Variants in BACH2 observed in about 807,000 individuals in gnomAD.
BACH2 encodes the protein transcription regulator protein BACH2.
Under a neutral mutation model 61.8 loss-of-function variants are expected in BACH2, and 5 were observed. The observed-to-expected ratio is 0.08, with a 90% confidence interval of 0.04 to 0.17. The LOEUF (loss-of-function observed/expected upper bound fraction) is 0.17, where lower values mean the gene tolerates loss of function less well. Ranked by LOEUF, BACH2 falls within the 10% of genes least tolerant of loss-of-function variation. The probability of loss-of-function intolerance (pLI) is 1.00; values close to 1 mark genes in which losing one functional copy is unlikely to be tolerated. For missense variants in BACH2, 824 were observed against 1,091.1 expected, an observed-to-expected ratio of 0.76 and a Z score of 3.45; for synonymous variants, 446 against 440.1, an observed-to-expected ratio of 1.01 and a Z score of -0.17.
chr6:90,164,997 C>T (rs1235567183), intron 4 of BACH2, among the ~76,000 whole-genome samples: 4 of 152,208 alleles, frequency 2.6e-5, no homozygotes, highest in Admixed American at 2.0e-4. Flanking sequence ...CCTTTGAGAA[C>T]AGTCACAAGA....
intron 4 of BACH2, among the ~76,000 whole-genome samples, chr6:90,095,317 G>A (rs1450115751): frequency 2.6e-5 from 4 of 151,996 alleles, no homozygotes; most frequent in Non-Finnish European, 4.4e-5. Context: ...CAGATCTTGT[G>A]GCTTTTGTGT....
rs201869328 is a variant in BACH2 at position 89,935,392 on chromosome 6, C to T, written c.2044-2502G>A. ...GGAGAGGAACCCCAGGATCATTCTG[C>T]CACATTACCCCGGCCAAAGCACGGA... On this transcript the variant is annotated intron_variant, in intron 8 of 8. Coordinates refer to ENST00000257749, the MANE Select transcript of BACH2 (RefSeq NM_021813.4). Among the ~76,000 whole-genome samples, 55 of 152,292 alleles carry T rather than the reference C, an allele frequency of 3.6e-4. 1 individual carries two copies. The East Asian group carries it at 9.4e-3, about 26-fold the overall frequency.
chr6:89,954,907 G>A (rs1562323173), intron 6 of BACH2, among the ~76,000 whole-genome samples: 1 of 152,196 alleles, frequency 6.6e-6, no homozygotes. Context: ...AGAGGAAATG[G>A]TGTCCTCACC....
intron 6 of BACH2, among the ~76,000 whole-genome samples, chr6:90,006,009 C>T (rs1176023604): frequency 5.9e-5 from 9 of 152,124 alleles, no homozygotes; most frequent in Non-Finnish European, 8.8e-5. Flanking sequence ...ATACAGTGTG[C>T]CTCTTATTTA....
intron 5 of BACH2, among the ~76,000 whole-genome samples, chr6:90,054,397 A>G (rs1780213375): frequency 6.6e-6 from 1 of 152,202 alleles, no homozygotes; most frequent in African/African-American, 2.4e-5. Flanking sequence ...ATCAAACTGC[A>G]AGGCGGCAGC....
chr6:90,180,972 A>C (rs1768142033), intron 4 of BACH2, among the ~76,000 whole-genome samples: 1 of 152,146 alleles, frequency 6.6e-6, no homozygotes, highest in African/African-American at 2.4e-5. Context: ...ATTGTGCTGC[A>C]ATAAACATAC....
At chr6:90,239,319 T>C (rs1441760522) in intron 3 of BACH2, among the ~76,000 whole-genome samples, 1 of 152,178 alleles carries the variant, frequency 6.6e-6, no homozygotes, top group Non-Finnish European at 1.5e-5. Context: ...CTTAAAACAA[T>C]GAATTCAGCA....
At chr6:90,109,328 CA>C (rs1476292965) in intron 4 of BACH2, among the ~76,000 whole-genome samples, 1 of 152,124 alleles carries the variant, frequency 6.6e-6, no homozygotes, top group Non-Finnish European at 1.5e-5. Flanking sequence ...CTTGTGGCTT[CA>C]GGGGCACCAC....
chr6:89,938,041 C>T (rs761013822), intron 8 of BACH2, 103 bp downstream of exon 8: 222 of 1,132,578 alleles, frequency 2.0e-4, no homozygotes, highest in Admixed American at 3.5e-4. Flanking sequence ...CAAACTTCCG[C>T]AAAGGGTGAC....
intron 5 of BACH2, among the ~76,000 whole-genome samples, chr6:90,062,650 A>T (rs1201672792): frequency 6.6e-6 from 1 of 152,200 alleles, no homozygotes; most frequent in East Asian, 1.9e-4. Flanking sequence ...ATTAGAAATT[A>T]ACTTTACTTT....
intron 6 of BACH2, among the ~76,000 whole-genome samples, chr6:89,998,904 A>C (rs1052568700): frequency 5.3e-5 from 8 of 152,206 alleles, no homozygotes; most frequent in African/African-American, 1.9e-4. Flanking sequence ...ATGGAGTTGA[A>C]ACCTGAAGAC....
intron 4 of BACH2, among the ~76,000 whole-genome samples, chr6:90,129,774 G>A (rs139060642): frequency 0.043 from 6,482 of 152,090 alleles, 145 homozygotes; most frequent in Middle Eastern, 0.082. Context: ...CTTGCCTACT[G>A]TTGGTGTAAA....
chr6:90,232,136 C>T (rs1304001480), intron 3 of BACH2, among the ~76,000 whole-genome samples: 1 of 152,190 alleles, frequency 6.6e-6, no homozygotes, highest in Non-Finnish European at 1.5e-5. Context: ...ATAATCAAAA[C>T]ACTTTGTTTT....
chr6:90,048,151 C>T (rs1198112858), intron 5 of BACH2, among the ~76,000 whole-genome samples: 8 of 151,936 alleles, frequency 5.3e-5, no homozygotes, highest in Non-Finnish European at 1.0e-4. Context: ...TATTTAGAGA[C>T]AGGTTCTCAC....
At chr6:90,138,064 AC>A (rs1396121620) in intron 4 of BACH2, among the ~76,000 whole-genome samples, 2 of 151,632 alleles carry the variant, frequency 1.3e-5, no homozygotes, top group African/African-American at 2.4e-5. Context: ...ACACACACAC[AC>A]ACACACACAC....
At chr6:90,179,020 A>G (rs1768067573) in intron 4 of BACH2, among the ~76,000 whole-genome samples, 1 of 152,166 alleles carries the variant, frequency 6.6e-6, no homozygotes, top group Admixed American at 6.5e-5. Flanking sequence ...GGAGGAAGGT[A>G]TGTTCTCCCC....
At chr6:90,033,269 AC>A (rs1363409382) in intron 5 of BACH2, among the ~76,000 whole-genome samples, 1 of 151,808 alleles carries the variant, frequency 6.6e-6, no homozygotes, top group African/African-American at 2.4e-5. Flanking sequence ...ATGACGTGTT[AC>A]TGGATGCAGC....
At chr6:89,966,488 T>G (rs1021510620) in intron 6 of BACH2, among the ~76,000 whole-genome samples, 1 of 152,198 alleles carries the variant, frequency 6.6e-6, no homozygotes, top group Non-Finnish European at 1.5e-5. Flanking sequence ...GACTCTCAGA[T>G]AGAACATACC....
intron 1 of BACH2, among the ~76,000 whole-genome samples, chr6:90,276,641 T>A (rs939198466): frequency 2.0e-5 from 3 of 152,172 alleles, no homozygotes; most frequent in Non-Finnish European, 4.4e-5. Flanking sequence ...GAGAGGAAAT[T>A]TCAGTAAAAT....
Sources: allele counts gnomAD v4.1 joint callset (sites outside exome capture counted in the v4.1 genomes callset), GRCh38; gene constraint gnomAD v4.1.1; transcripts MANE v1.5; gene names NCBI Gene and HGNC (gene_info 2026-07-23, HGNC 2026-07-21).